SLC4A8: variants seen among roughly 807,000 people sequenced by gnomAD.
SLC4A8 encodes electroneutral sodium bicarbonate exchanger 1.
In SLC4A8, 40 loss-of-function variants were observed where a neutral mutation model predicts 125.0. The observed-to-expected ratio is 0.32, with a 90% CI of 0.25 to 0.42. The LOEUF (loss-of-function observed/expected upper bound fraction) is 0.42. Among genes scored for constraint, SLC4A8 ranks in the 10% least tolerant of loss-of-function variants. The pLI is 1.00. For missense variants in SLC4A8, 863 were observed against 1,355.1 expected, an observed-to-expected ratio of 0.64 and a Z score of 5.70; for synonymous variants, 456 against 476.0, an observed-to-expected ratio of 0.96 and a Z score of 0.55.
At chr12:51,394,347 G>A (rs1211024652) in intron 1 of SLC4A8, among the ~76,000 whole-genome samples, 2 of 152,260 alleles carry the variant, frequency 1.3e-5, no homozygotes, top group Non-Finnish European at 2.9e-5. Flanking sequence ...TAATTTGGAG[G>A]TTCATGAGTC....
intron 2 of SLC4A8, among the ~76,000 whole-genome samples, chr12:51,447,273 G>A (rs1949804927): frequency 2.0e-5 from 3 of 150,134 alleles, no homozygotes; most frequent in South Asian, 4.2e-4. Context: ...TACACCTTTT[G>A]TGGAGATGAG....
chr12:51,463,055 A>G (rs1400650647), intron 10 of SLC4A8, among the ~76,000 whole-genome samples: 3 of 152,174 alleles, frequency 2.0e-5, no homozygotes, highest in African/African-American at 4.8e-5. Flanking sequence ...TATACAAGTC[A>G]TCAAATGAAA....
chr12:51,394,992 A>G (rs1948230204), intron 1 of SLC4A8, among the ~76,000 whole-genome samples: 2 of 152,170 alleles, frequency 1.3e-5, no homozygotes, highest in South Asian at 2.1e-4. Flanking sequence ...CTGCAATGCT[A>G]CATTCTAGTC....
At chr12:51,456,001 G>A (rs948959928) in intron 5 of SLC4A8, among the ~76,000 whole-genome samples, 3 of 152,086 alleles carry the variant, frequency 2.0e-5, no homozygotes, top group Non-Finnish European at 2.9e-5. Context: ...TTTTGGACAG[G>A]GTAATGATCA....
At chr12:51,408,140 C>T (rs1948526450) in intron 1 of SLC4A8, among the ~76,000 whole-genome samples, 1 of 152,130 alleles carries the variant, frequency 6.6e-6, no homozygotes, top group African/African-American at 2.4e-5. Context: ...ACCCTATTTC[C>T]AAATAAGGTT....
chr12:51,411,020 G>A (rs1346469491), intron 1 of SLC4A8, among the ~76,000 whole-genome samples: 2 of 143,304 alleles, frequency 1.4e-5, no homozygotes, highest in Non-Finnish European at 3.0e-5. Context: ...GAATACAAGT[G>A]TGAGCCACTG....
intron 19 of SLC4A8, among the ~76,000 whole-genome samples, chr12:51,493,066 T>G (rs1951360460): frequency 6.6e-6 from 1 of 152,208 alleles, no homozygotes; most frequent in African/African-American, 2.4e-5. Flanking sequence ...TCTGAGACTT[T>G]CCTTGCCTTG....
At chr12:51,426,030 A>G (rs1948963564) in intron 1 of SLC4A8, among the ~76,000 whole-genome samples, 1 of 152,182 alleles carries the variant, frequency 6.6e-6, no homozygotes, top group Admixed American at 6.5e-5. Context: ...AGAGGAGGCA[A>G]GTCTGAAGTA....
chr12:51,487,438 G>C (rs1224016408), intron 17 of SLC4A8, among the ~76,000 whole-genome samples: 1 of 152,132 alleles, frequency 6.6e-6, no homozygotes, highest in Non-Finnish European at 1.5e-5. Flanking sequence ...TTTTGGACTT[G>C]GTGGTGTTAT....
At chr12:51,488,900 C>A in intron 18 of SLC4A8, 40 bp downstream of exon 18, 1 of 1,568,368 alleles carries the variant, frequency 6.4e-7, no homozygotes, top group Non-Finnish European at 8.7e-7. Context: ...CTGTGGCAAC[C>A]TGTTACATTT....
intron 11 of SLC4A8, among the ~76,000 whole-genome samples, chr12:51,466,154 C>T (rs1257807297): frequency 6.6e-6 from 1 of 152,110 alleles, no homozygotes; most frequent in African/African-American, 2.4e-5. Context: ...TGATCTGACC[C>T]TCCAAGCCAG....
intron 21 of SLC4A8, among the ~76,000 whole-genome samples, chr12:51,496,741 C>T (rs1298809367): frequency 6.6e-6 from 1 of 152,206 alleles, no homozygotes; most frequent in Non-Finnish European, 1.5e-5. Flanking sequence ...ATGTGCTCAT[C>T]TTTTCAATGA....
At chr12:51,503,093 C>T (rs761041160) in intron 22 of SLC4A8, among the ~76,000 whole-genome samples, 52 of 151,878 alleles carry the variant, frequency 3.4e-4, no homozygotes, top group Non-Finnish European at 6.3e-4. Flanking sequence ...CCGCCCACCT[C>T]AGCCTCCCAA....
upstream of SLC4A8, among the ~76,000 whole-genome samples, chr12:51,424,054 C>CAAAAAAAAAAAAAAA (rs1334821004): frequency 3.9e-5 from 3 of 77,442 alleles, no homozygotes; most frequent in Non-Finnish European, 5.0e-5. Flanking sequence ...AAAAAAAAAA[C>CAAAAAAAAAAAAAAA]AAAAAAAACA....
Position 51,489,767 on chromosome 12 carries a change from G to A in SLC4A8, c.2516G>A (p.Gly839Asp). The A allele has an allele frequency of 1.9e-6, 3 of 1,614,152 alleles. No individual in the cohort carries two copies. Among genetic ancestry groups the A allele is most frequent in the Non-Finnish European group, 2.5e-6 (3 of 1,180,040 alleles). Reference sequence around the variant, plus strand: ...ATGCTGGGTGTCTGCTCCATCATGGGCCTGCCCTGGTTTGTAGCTGCAACT... The same window carrying A: ...ATGCTGGGTGTCTGCTCCATCATGGACCTGCCCTGGTTTGTAGCTGCAACT... ...AIMLGVCSIMGLPWFVAATVL... is the reference protein window; with the variant it reads ...AIMLGVCSIMDLPWFVAATVL... The change falls in exon 19 of 25, where the codon GGC becomes GAC. Residue 839 changes from glycine to aspartate, a missense_variant. This residue lies in a region of SLC4A8 where 197 missense variants were observed against 377.7 expected (regional missense o/e 0.52). Transcript: ENST00000453097.
At chr12:51,452,333 C>T in intron 4 of SLC4A8, 74 bp downstream of exon 4, 1 of 1,501,530 alleles carries the variant, frequency 6.7e-7, no homozygotes, top group Non-Finnish European at 9.2e-7. Flanking sequence ...AGTGACAGGC[C>T]TGCCTGCCTT....
At chr12:51,488,608 A>G in intron 17 of SLC4A8, 91 bp from the exon 18 acceptor site, 1 of 1,018,164 alleles carries the variant, frequency 9.8e-7, no homozygotes, top group South Asian at 2.4e-5. Flanking sequence ...CTCAAGAATA[A>G]AAAGAAATAT....
At chr12:51,466,382 T>C (rs747422077) in intron 11 of SLC4A8, 3 of 152,234 alleles carry the variant, frequency 2.0e-5, no homozygotes, top group Non-Finnish European at 2.9e-5. Context: ...GCTATCTCGA[T>C]GATCCCCCCA....
At chr12:51,396,124 T>C (rs1948255795) in intron 1 of SLC4A8, among the ~76,000 whole-genome samples, 1 of 152,378 alleles carries the variant, frequency 6.6e-6, no homozygotes, top group South Asian at 2.1e-4. Context: ...TAAGATTAAA[T>C]AAGCAAAGTG....
Sources: allele counts gnomAD v4.1 joint callset (sites outside exome capture counted in the v4.1 genomes callset), GRCh38; gene constraint gnomAD v4.1.1; regional missense constraint gnomAD v4.1.1; transcripts MANE v1.5; gene names NCBI Gene and HGNC (gene_info 2026-07-23, HGNC 2026-07-21).